The following COG7 variants were observed in gnomAD, a reference collection of about 807,000 sequenced individuals.
COG7 encodes conserved oligomeric Golgi complex subunit 7.
Under a neutral mutation model 91.5 loss-of-function variants are expected in COG7, and 49 were observed. That is an observed-to-expected ratio of 0.54 (90% CI 0.43 to 0.68). The LOEUF (loss-of-function observed/expected upper bound fraction) is 0.68, where lower values mean the gene tolerates loss of function less well. Among genes scored for constraint, COG7 ranks in the 30% least tolerant of loss-of-function variants. The pLI, the probability that COG7 is intolerant of heterozygous loss-of-function variation, is 0.00. For missense variants in COG7, 895 were observed against 961.3 expected (o/e 0.93, Z 0.91); for synonymous variants, 365 against 388.7 (o/e 0.94, Z 0.72).
At chr16:23,446,081 C>T (rs1440568315) in intron 1 of COG7, 120 bp from the exon 2 acceptor site, 64 of 1,225,504 alleles carry the variant, frequency 5.2e-5, no homozygotes, top group Non-Finnish European at 7.2e-5. Context: ...AAATGCACGA[C>T]CAACCAAACG....
In COG7 at chr16:23,406,256, C is replaced by G. The variant is rs376358218; in HGVS notation, c.1482G>C (p.Leu494Phe). Reference protein sequence around the residue: ...DFEQQLANRILSTAGKYLSDS... With the variant: ...DFEQQLANRIFSTAGKYLSDS... Reference sequence around the variant, plus strand: ...CAGATAGATACTTCCCAGCTGTGGACAAAATCCTGTAATGAAAGGAATGAC... The same window carrying G: ...CAGATAGATACTTCCCAGCTGTGGAGAAAATCCTGTAATGAAAGGAATGAC... Residue 494 changes from leucine to phenylalanine, a missense_variant, in exon 12 of 17, where the codon TTG (leucine) becomes TTC (phenylalanine). Leu to Phe is a conservative substitution (Grantham distance 22). Coordinates refer to ENST00000307149, the MANE Select transcript of COG7 (RefSeq NM_153603.4). The G allele has an allele frequency of 6.2e-7, 1 of 1,613,778 alleles. No homozygotes were observed. Among genetic ancestry groups the G allele is most frequent in the Non-Finnish European group, 8.5e-7 (1 of 1,179,852 alleles).
chr16:23,426,087 A>C (rs1374867263), intron 6 of COG7, among the ~76,000 whole-genome samples: 1 of 152,152 alleles, frequency 6.6e-6, no homozygotes, highest in Non-Finnish European at 1.5e-5. Flanking sequence ...ATGGTGGTGC[A>C]CGACTGTAAT....
rs1238577060 is a variant in COG7, at chr16:23,423,685, T to C, written c.1009+1064A>G. ...AACGTACAAGGCAATTATACACAGA[T>C]GTAATTAAAGAGAAGAACTATTAAA... is the stretch of plus-strand genomic sequence containing the variant. On this transcript the variant is annotated intron_variant, in intron 7 of 16. Transcript: ENST00000307149. Among the ~76,000 whole-genome samples, 3 of 152,172 alleles carry C rather than the reference T, an allele frequency of 2.0e-5. 1 individual carries two copies. The highest frequency in any genetic ancestry group is 7.2e-5 in the African/African-American group (3 of 41,436).
rs1291932146 is a variant in COG7, at chr16:23,392,409, T to A, written c.2117A>T (p.His706Leu). Residue 706 changes from histidine to leucine, a missense_variant, in exon 16 of 17, where the codon CAC (histidine) becomes CTC (leucine). His to Leu is a moderately conservative substitution (Grantham distance 99, BLOSUM62 -3). Transcript: ENST00000307149. ...GTCAGTGGCCAGCTGCTTGGCAGAG[T>A]GTGGGCTCAGCTCAGGGATCTGTAG... ...AILQIPELSP[H>L]SAKQLATDID... 8.1e-6 allele frequency: 13 copies of A among 1,614,088 alleles called. No individual in the cohort carries two copies. The highest frequency in any genetic ancestry group is 1.0e-5 in the Non-Finnish European group (12 of 1,180,028).
At chr16:23,450,477 C>T (rs1964248798) in intron 1 of COG7, among the ~76,000 whole-genome samples, 1 of 152,128 alleles carries the variant, frequency 6.6e-6, no homozygotes, top group Non-Finnish European at 1.5e-5. Context: ...CCCCACTGCC[C>T]ATTTCTGGAC....
intron 7 of COG7, among the ~76,000 whole-genome samples, chr16:23,421,848 C>G (rs1215769283): frequency 8.1e-6 from 1 of 122,894 alleles, no homozygotes; most frequent in African/African-American, 3.1e-5. Context: ...GAGACTCCAT[C>G]TCAAAAAAAA....
intron 6 of COG7, among the ~76,000 whole-genome samples, chr16:23,426,834 A>AAAAAAGAAAGAAAG (rs1555495229): frequency 4.1e-5 from 6 of 146,060 alleles, no homozygotes; most frequent in African/African-American, 1.5e-4. Flanking sequence ...AAAAAAAAAA[A>AAAAAAGAAAGAAAG]AAAGAAAGAA....
rs966050512 is a variant in COG7, at chr16:23,433,328, C to A, written c.810+217G>T. On this transcript the variant is annotated intron_variant, in intron 6 of 16. Transcript: ENST00000307149. Reference sequence around the variant, plus strand: ...CTGGTCTCGAACTCCTAGGCTCAAACGATCCGCCCACTTCGACCTTCCAAA... The same window carrying A: ...CTGGTCTCGAACTCCTAGGCTCAAAAGATCCGCCCACTTCGACCTTCCAAA... 3.9e-5 allele frequency among the ~76,000 whole-genome samples: 6 copies of A among 152,132 alleles called. No homozygotes were observed. In the East Asian group the frequency reaches 1.2e-3, roughly 29 times the overall value.
intron 16 of COG7, chr16:23,392,085 G>T (rs769342585): frequency 2.3e-6 from 3 of 1,309,420 alleles, no homozygotes; most frequent in Non-Finnish European, 2.9e-6. Context: ...CAAATGGAGC[G>T]GGCCAGGTGG....
At chr16:23,413,405 T>C (rs1963598686) in intron 10 of COG7, 43 bp downstream of exon 10, 4 of 1,008,798 alleles carry the variant, frequency 4.0e-6, no homozygotes, top group Non-Finnish European at 6.4e-6. Flanking sequence ...ATGTTTATGC[T>C]GGCTACATTA....
chr16:23,412,135 C>T (rs193228692), intron 10 of COG7, among the ~76,000 whole-genome samples: 17 of 152,298 alleles, frequency 1.1e-4, no homozygotes, highest in African/African-American at 4.1e-4. Context: ...CCTACCTCGA[C>T]CTCCCAAAGT....
At chr16:23,401,756 A>AG (rs922651732) in intron 13 of COG7, among the ~76,000 whole-genome samples, 5 of 151,720 alleles carry the variant, frequency 3.3e-5, no homozygotes, top group Admixed American at 1.3e-4. Context: ...TCTTTCGTGG[A>AG]GAAAAAAAAA....
intron 3 of COG7, among the ~76,000 whole-genome samples, chr16:23,443,325 T>C (rs1964131685): frequency 6.6e-6 from 1 of 151,480 alleles, no homozygotes; most frequent in Non-Finnish European, 1.5e-5. Context: ...GCAGGAGGAT[T>C]GCATGAGGCC....
At chr16:23,413,596 G>C in intron 9 of COG7, 32 bp from the exon 10 acceptor site, 2 of 1,143,842 alleles carry the variant, frequency 1.7e-6, no homozygotes, top group Non-Finnish European at 2.7e-6. Context: ...TGGTAGGGAG[G>C]TCACCACTGA....
intron 16 of COG7, chr16:23,391,933 A>G: frequency 1.0e-6 from 1 of 992,652 alleles, no homozygotes; most frequent in Non-Finnish European, 1.3e-6. Flanking sequence ...TCCGTTCCCT[A>G]TCGGTATGAT....
chr16:23,406,407 G>C, intron 11 of COG7, 145 bp from the exon 12 acceptor site: 1 of 758,822 alleles, frequency 1.3e-6, no homozygotes, highest in Non-Finnish European at 2.3e-6. Flanking sequence ...GCAACGAAAG[G>C]CTGCCCTTCA....
At chr16:23,424,974 C>T in intron 6 of COG7, 27 bp from the exon 7 acceptor site, 1 of 1,570,430 alleles carries the variant, frequency 6.4e-7, no homozygotes, top group South Asian at 1.1e-5. Context: ...GTGTACCTGC[C>T]TTAGCACATG....
chr16:23,413,590 A>G (rs1233931272), intron 9 of COG7, 26 bp from the exon 10 acceptor site: 18 of 1,238,676 alleles, frequency 1.5e-5, no homozygotes, highest in Non-Finnish European at 2.1e-5. Flanking sequence ...AGAAAATGGT[A>G]GGGAGGTCAC....
At chr16:23,450,942 C>G (rs1396095961) in intron 1 of COG7, among the ~76,000 whole-genome samples, 1 of 152,134 alleles carries the variant, frequency 6.6e-6, no homozygotes. Context: ...GCCTGTAATC[C>G]CAGCACTTTG....
Sources: gnomAD v4.1 joint callset for allele counts (sites outside exome capture counted in the v4.1 genomes callset) on GRCh38, gnomAD v4.1.1 for gene constraint, MANE v1.5 for transcripts, NCBI Gene and HGNC (gene_info 2026-07-23, HGNC 2026-07-21) for gene names.